The following EML5 variants were observed in gnomAD, a reference collection of about 807,000 sequenced individuals.
EML5 encodes the protein echinoderm microtubule-associated protein-like 5.
In EML5, 120 loss-of-function variants were observed where a neutral mutation model predicts 250.0. The observed-to-expected ratio is 0.48, with a 90% CI of 0.41 to 0.56. The LOEUF (loss-of-function observed/expected upper bound fraction) is 0.56. Ranked by LOEUF, EML5 falls within the 20% of genes least tolerant of loss-of-function variation. The pLI is 0.00. For synonymous variants in EML5, 771 were observed against 806.5 expected, an observed-to-expected ratio of 0.96 and a Z score of 0.75; for missense variants, 2,006 against 2,437.6, an observed-to-expected ratio of 0.82 and a Z score of 3.73.
intron 13 of EML5, among the ~76,000 whole-genome samples, chr14:88,703,903 T>C (rs925997557): frequency 6.6e-6 from 1 of 152,234 alleles, no homozygotes; most frequent in Non-Finnish European, 1.5e-5. Flanking sequence ...CCCATTTCCA[T>C]ACATATGAAA....
chr14:88,786,808 C>G (rs1444248273), intron 1 of EML5, among the ~76,000 whole-genome samples: 2 of 152,196 alleles, frequency 1.3e-5, no homozygotes, highest in Non-Finnish European at 2.9e-5. Flanking sequence ...GCCTCCCCAG[C>G]CATGTGGAAC....
At chr14:88,739,049 AT>A (rs1422265228) in intron 5 of EML5, 35 bp from the exon 6 acceptor site, 3 of 1,560,062 alleles carry the variant, frequency 1.9e-6, no homozygotes, top group Admixed American at 2.0e-5. Flanking sequence ...AACGACAAAT[AT>A]TTTTTAAGAA....
intron 10 of EML5, among the ~76,000 whole-genome samples, chr14:88,709,265 T>C (rs1187914579): frequency 1.3e-5 from 2 of 151,876 alleles, no homozygotes; most frequent in African/African-American, 4.8e-5. Flanking sequence ...TTGACTACAC[T>C]GAAATTAAGA....
Position 88,614,988 on chromosome 14 carries a change from T to G in EML5, c.*830A>C, listed in dbSNP as rs751573363. ...TGTATATATTAGACTACATTAAATATGCAATTCTTTCTTCCAGTTAAATAC... is the reference window on the plus strand; with the variant it reads ...TGTATATATTAGACTACATTAAATAGGCAATTCTTTCTTCCAGTTAAATAC... On this transcript the variant is annotated 3_prime_UTR_variant, in exon 44 of 44. Transcript: ENST00000554922. 6.6e-6 allele frequency: 1 copy of G among 152,244 alleles called. No homozygotes were observed. The highest frequency in any genetic ancestry group is 2.4e-5 in the African/African-American group (1 of 41,470). The allele number at this position is 152,244 out of a possible 1,614,324, so 9.4% of individuals were successfully genotyped here. A position where few individuals can be genotyped will look rare whatever the true frequency, so the allele number is the denominator to read the frequency against.
At chr14:88,643,074 A>G in intron 30 of EML5, 52 bp from the exon 31 acceptor site, 1 of 1,506,324 alleles carries the variant, frequency 6.6e-7, no homozygotes, top group East Asian at 2.5e-5. Context: ...ATAAATGTTC[A>G]CCACTGTTTT....
intron 14 of EML5, among the ~76,000 whole-genome samples, chr14:88,698,544 C>T (rs1015394324): frequency 1.2e-4 from 19 of 152,110 alleles, no homozygotes; most frequent in African/African-American, 4.6e-4. Context: ...GGATTACAGG[C>T]ATGAGCCACG....
At chr14:88,643,822 C>A (rs926207050) in intron 30 of EML5, among the ~76,000 whole-genome samples, 1 of 152,188 alleles carries the variant, frequency 6.6e-6, no homozygotes, top group Admixed American at 6.5e-5. Context: ...ATGTACATTT[C>A]ATTGACTTTG....
chr14:88,705,685 T>C (rs1036381457), intron 11 of EML5, 97 bp from the exon 12 acceptor site: 5 of 854,030 alleles, frequency 5.9e-6, no homozygotes, highest in African/African-American at 3.4e-5. Flanking sequence ...TCAGTTGACA[T>C]GGAGACAAGC....
At chr14:88,755,723 C>T (rs761403275) in intron 1 of EML5, among the ~76,000 whole-genome samples, 37 of 151,982 alleles carry the variant, frequency 2.4e-4, no homozygotes, top group Admixed American at 7.2e-4. Flanking sequence ...CTGGGTGTAG[C>T]GGCTCATGCC....
intron 1 of EML5, among the ~76,000 whole-genome samples, chr14:88,759,685 T>TAAAAAAAAAAAAAAAAAAAAAA (rs58676323): frequency 6.5e-5 from 6 of 92,910 alleles, no homozygotes; most frequent in African/African-American, 3.3e-4. Flanking sequence ...CACCATCTCT[T>TAAAAAAAAAAAAAAAAAAAAAA]AAAAAAAAAA....
intron 14 of EML5, among the ~76,000 whole-genome samples, chr14:88,700,562 A>G (rs1238847682): frequency 6.6e-6 from 1 of 152,096 alleles, no homozygotes; most frequent in African/African-American, 2.4e-5. Context: ...GGGATTCCCA[A>G]GCCCTCCCCT....
At chr14:88,735,830 A>G (rs1458805756) in intron 7 of EML5, among the ~76,000 whole-genome samples, 1 of 152,200 alleles carries the variant, frequency 6.6e-6, no homozygotes, top group Non-Finnish European at 1.5e-5. Context: ...GAAATATTAT[A>G]TTCCTGTTAA....
intron 33 of EML5, among the ~76,000 whole-genome samples, chr14:88,630,726 G>A (rs2090394297): frequency 6.6e-6 from 1 of 152,206 alleles, no homozygotes; most frequent in South Asian, 2.1e-4. Context: ...CTAAACGGAA[G>A]GATTTTTAGG....
At chr14:88,621,405 G>T (rs764505019) in intron 37 of EML5, 104 bp from the exon 38 acceptor site, 3 of 1,384,556 alleles carry the variant, frequency 2.2e-6, no homozygotes, top group East Asian at 2.3e-5. Context: ...AGAACTTTTT[G>T]CTTTGAGCTA....
chr14:88,640,826 A>C (rs2091022363), intron 31 of EML5, among the ~76,000 whole-genome samples: 1 of 151,974 alleles, frequency 6.6e-6, no homozygotes, highest in African/African-American at 2.4e-5. Flanking sequence ...TTAGCTTAAC[A>C]AAAAAAAGAA....
chr14:88,787,284 T>C (rs1373039764), intron 1 of EML5, among the ~76,000 whole-genome samples: 7 of 152,226 alleles, frequency 4.6e-5, no homozygotes, highest in African/African-American at 9.6e-5. Flanking sequence ...CATATGCTCA[T>C]TGAGCATCTG....
In EML5 at chr14:88,688,427, T is replaced by C; in HGVS notation, c.2586A>G (p.Lys862=). Residue 862 remains lysine, a synonymous_variant, in exon 18 of 44, where the codon AAA becomes AAG. Coordinates refer to ENST00000554922, the MANE Select transcript of EML5 (RefSeq NM_183387.3). ...GRKGYIGTLG[K]NDTMMCAVYG... is the part of the protein sequence containing the mutation. ...ACACTGCACACATCATTGTGTCATT[T>C]TTCCCCAGTGTGCCTATGTAGCCTT... 1 of 1,614,046 alleles carries C rather than the reference T, an allele frequency of 6.2e-7. No individual in the cohort carries two copies. Among genetic ancestry groups the C allele is most frequent in the Non-Finnish European group, 8.5e-7 (1 of 1,179,898 alleles).
intron 21 of EML5, among the ~76,000 whole-genome samples, chr14:88,671,384 T>G (rs931759589): frequency 1.3e-5 from 2 of 152,162 alleles, no homozygotes; most frequent in Non-Finnish European, 2.9e-5. Context: ...AGGCCTGCCT[T>G]GCAAGAGCTC....
intron 1 of EML5, among the ~76,000 whole-genome samples, chr14:88,776,342 T>C (rs1335700205): frequency 6.6e-6 from 1 of 152,072 alleles, no homozygotes; most frequent in East Asian, 1.9e-4. Flanking sequence ...TATAGCTGTG[T>C]TGAAGAAACT....
Sources: allele counts gnomAD v4.1 joint callset (sites outside exome capture counted in the v4.1 genomes callset), GRCh38; gene constraint gnomAD v4.1.1; transcripts MANE v1.5; gene names NCBI Gene and HGNC (gene_info 2026-07-23, HGNC 2026-07-21).